Variants in SLC23A1 observed in about 807,000 individuals in gnomAD.
SLC23A1 encodes the protein solute carrier family 23 member 1, also known as Na(+)/L-ascorbic acid transporter 1.
SLC23A1 carries 31 observed loss-of-function variants against 62.5 expected under a neutral mutation model. The ratio of observed to expected loss-of-function variants is 0.50; its 90% CI spans 0.37 to 0.67. The LOEUF (loss-of-function observed/expected upper bound fraction) is 0.67. Ranked by LOEUF, SLC23A1 falls within the 30% of genes least tolerant of loss-of-function variation. SLC23A1 has a pLI of 0.00. For synonymous variants in SLC23A1, 271 were observed against 313.2 expected, an observed-to-expected ratio of 0.87 and a Z score of 1.42; for missense variants, 640 against 782.7, an observed-to-expected ratio of 0.82 and a Z score of 2.18.
At chr5:139,368,758 C>T (rs1183378373) in intron 14 of SLC23A1, 2 of 1,613,270 alleles carry the variant, frequency 1.2e-6, no homozygotes, top group African/African-American at 2.7e-5. Context: ...AATCCAAATG[C>T]AAAGGAGTTT....
At chr5:139,382,704 G>T in intron 1 of SLC23A1, 99 bp from the exon 2 acceptor site, 1 of 760,608 alleles carries the variant, frequency 1.3e-6, no homozygotes, top group Non-Finnish European at 2.3e-6. Context: ...TGGCTTGTCA[G>T]CAACTGAGAG....
intron 2 of SLC23A1, 35 bp downstream of exon 2, chr5:139,382,457 G>T: frequency 8.0e-7 from 1 of 1,244,646 alleles, no homozygotes; most frequent in Non-Finnish European, 1.2e-6. Context: ...CGGGGAGTGT[G>T]CAGAGTGAGG....
chr5:139,375,342 T>C (rs2040876255), intron 13 of SLC23A1, among the ~76,000 whole-genome samples: 3 of 152,216 alleles, frequency 2.0e-5, no homozygotes, highest in Non-Finnish European at 4.4e-5. Context: ...ACACAGGCCA[T>C]TGACTGCGTC....
chr5:139,381,933 G>T lies in SLC23A1; in HGVS notation c.267C>A (p.Cys89Ter), dbSNP rs759619483. ...TCTGGATGAGAGTGGTGATGCCCAC[G>T]CACGTGAAGATGGTGCCGATGAGCT... ...VSQLIGTIFT[C>*]VGITTLIQTT... Residue 89 changes from cysteine (C) to a stop codon, truncating the protein, a stop_gained, in exon 3 of 15, where the codon TGC becomes TGA. Transcript: ENST00000348729. LOFTEE classifies it high-confidence loss of function. The T allele has an allele frequency of 1.3e-6, 2 of 1,579,850 alleles. No individual in the cohort carries two copies. The highest frequency in any genetic ancestry group is 1.7e-6 in the Non-Finnish European group (2 of 1,163,976).
chr5:139,373,719 A>C (rs532097313), intron 13 of SLC23A1, among the ~76,000 whole-genome samples: 190 of 152,254 alleles, frequency 1.2e-3, no homozygotes, highest in Non-Finnish European at 2.5e-3. Flanking sequence ...AGGGAAGACT[A>C]CCTGGAAGAG....
chr5:139,384,467 C>T (rs12515989), upstream of SLC23A1: 806,293 of 1,289,526 alleles, frequency 0.63, 262,613 homozygotes, highest in Non-Finnish European at 0.67. Flanking sequence ...GCCCGCCTGC[C>T]GGTGTCCACA....
At chr5:139,380,982 G>C in intron 3 of SLC23A1, 96 bp from the exon 4 acceptor site, 1 of 656,824 alleles carries the variant, frequency 1.5e-6, no homozygotes, top group Non-Finnish European at 2.7e-6. Flanking sequence ...AGCACAGAGA[G>C]AGTGACAGAG....
intron 13 of SLC23A1, 140 bp from the exon 14 acceptor site, chr5:139,372,393 T>C: frequency 1.3e-6 from 1 of 774,606 alleles, no homozygotes; most frequent in Non-Finnish European, 2.0e-6. Context: ...TGGCTGAATC[T>C]ATGGTTTCTG....
intron 14 of SLC23A1, among the ~76,000 whole-genome samples, chr5:139,370,189 G>A (rs181119237): frequency 2.0e-4 from 31 of 152,262 alleles, no homozygotes; most frequent in African/African-American, 7.5e-4. Context: ...TTGGTTTTTG[G>A]AGACGGAGTC....
At chr5:139,384,697 G>C, upstream of SLC23A1, 1 of 1,192,660 alleles carries the variant, frequency 8.4e-7, no homozygotes, top group Non-Finnish European at 1.1e-6. Context: ...CACGCATAGA[G>C]AACAAGGTGG....
chr5:139,385,081 A>G (rs1011233450), upstream of SLC23A1, among the ~76,000 whole-genome samples: 9 of 152,212 alleles, frequency 5.9e-5, no homozygotes, highest in Admixed American at 2.0e-4. Context: ...CTACTCAGCC[A>G]GGGACTTGGC....
upstream of SLC23A1, chr5:139,383,398 GC>G: frequency 6.9e-7 from 1 of 1,456,916 alleles, no homozygotes; most frequent in Non-Finnish European, 9.1e-7. Context: ...CGAAAGGGGG[GC>G]CCGGGCAGAG....
At chr5:139,377,919 G>A in intron 12 of SLC23A1, 56 bp downstream of exon 12, 1 of 1,568,504 alleles carries the variant, frequency 6.4e-7, no homozygotes, top group East Asian at 2.3e-5. Flanking sequence ...GGAGGGGGCT[G>A]TGCTCAAAAT....
At chr5:139,382,101 G>A (rs1398881214) in intron 2 of SLC23A1, 52 bp from the exon 3 acceptor site, 2 of 1,551,092 alleles carry the variant, frequency 1.3e-6, no homozygotes, top group East Asian at 2.4e-5. Flanking sequence ...AGAGCTCCAG[G>A]GAGAGGGGAC....
chr5:139,379,716 A>T lies in SLC23A1; in HGVS notation c.887T>A (p.Ile296Asn), dbSNP rs1365632315. 6.2e-7 allele frequency: 1 copy of T among 1,613,814 alleles called. No homozygotes were observed. The highest frequency in any genetic ancestry group is 8.5e-7 in the Non-Finnish European group (1 of 1,179,972). Residue 296 changes from isoleucine to asparagine, a missense_variant, in exon 8 of 15, where the codon ATC (isoleucine) becomes AAC (asparagine). By Grantham distance (149) the Ile-to-Asn change is moderately radical. Transcript: ENST00000348729. This position sits in a 1 kb window ranked among gnomAD's most constrained non-coding sequence, Gnocchi z 4.7. ...FQARTDARGD[I>N]MAIAPWIRIP... ...GCGGATCCAGGGTGCAATAGCCATG[A>T]TGTCACCACGGGCATCGGTTCGTGC...
intron 14 of SLC23A1, 56 bp from the exon 15 acceptor site, chr5:139,367,687 G>C (rs1757347636): frequency 6.6e-6 from 1 of 151,866 alleles, no homozygotes; most frequent in Non-Finnish European, 1.5e-5. Flanking sequence ...TTTTAGTGAG[G>C]ATTCTAAAGT....
At position 139,378,063 on chromosome 5, in the gene SLC23A1, AGAG is replaced by A. The variant is rs760628696; in HGVS notation, c.1362_1364del (p.Ser455del). ...AAAATCCCAGCACGAAGAGGTTGCG[AGAG>A]GAGTTCATGTCCACAAATTGCAGGT... On this transcript the variant is annotated inframe_deletion, in exon 12 of 15. Transcript: ENST00000348729. The surrounding 1 kb of genome is among the most constrained non-coding windows in gnomAD (Gnocchi z 4.5). 18 of 1,614,068 alleles carry A rather than the reference AGAG, an allele frequency of 1.1e-5. No homozygotes were observed. The highest frequency in any genetic ancestry group is 1.6e-4 in the Middle Eastern group (1 of 6,084).
At position 139,378,667 on chromosome 5, in the gene SLC23A1, C is replaced by G. The variant is rs758487240; in HGVS notation, c.1091G>C (p.Gly364Ala). The change falls in exon 10 of 15, where the codon GGC (glycine) becomes GCC (alanine). Residue 364 changes from glycine (G) to alanine (A), a missense_variant. Gly to Ala is a moderately conservative substitution (Grantham distance 60). Coordinates refer to ENST00000348729, the MANE Select transcript of SLC23A1 (RefSeq NM_005847.5). The surrounding 1 kb of genome is among the most constrained non-coding windows in gnomAD (Gnocchi z 4.5). ...HAINRGIFTE[G>A]ICCIIAGLLG... The stretch of plus-strand genomic sequence containing the variant: ...TAGCCCCGCGATGATGCAGCAAATG[C>G]CTTCGGTGAAGATGCCCCTGTAAGG... The G allele has an allele frequency of 1.9e-6, 3 of 1,610,070 alleles. No individual in the cohort carries two copies. The highest frequency in any genetic ancestry group is 3.4e-5 in the Admixed American group (2 of 59,514).
In SLC23A1 at chr5:139,379,762, G is replaced by A. The variant is rs1247679327; in HGVS notation, c.841C>T (p.Pro281Ser). 6.2e-7 allele frequency: 1 copy of A among 1,614,092 alleles called. No individual in the cohort carries two copies. Among genetic ancestry groups the A allele is most frequent in the Non-Finnish European group, 8.5e-7 (1 of 1,179,998 alleles). ...CGTGCCTGGAAGCCATAGGCTTTTG[G>A]GTCTGTGGGCAGCACGTCTGTCAAG... Reference protein sequence around the residue: ...LTLTDVLPTDPKAYGFQARTD... With the variant: ...LTLTDVLPTDSKAYGFQARTD... Residue 281 changes from proline to serine, a missense_variant, in exon 8 of 15, where the codon CCA becomes TCA. By Grantham distance (74) the Pro-to-Ser change is moderately conservative (BLOSUM62 -1). Coordinates refer to ENST00000348729, the MANE Select transcript of SLC23A1 (RefSeq NM_005847.5). The surrounding 1 kb of genome is among the most constrained non-coding windows in gnomAD (Gnocchi z 4.7).
Sources: allele counts gnomAD v4.1 joint callset (sites outside exome capture counted in the v4.1 genomes callset), GRCh38; gene constraint gnomAD v4.1.1; non-coding constraint Gnocchi (gnomAD v3.1); transcripts MANE v1.5; gene names NCBI Gene and HGNC (gene_info 2026-07-23, HGNC 2026-07-21).